The following VPS53 variants were observed in gnomAD, a reference collection of about 807,000 sequenced individuals.
The protein encoded by VPS53 is VPS53 subunit of GARP complex.
Under a neutral mutation model 107.0 loss-of-function variants are expected in VPS53, and 70 were observed. That is an observed-to-expected ratio of 0.65 (90% confidence interval 0.54 to 0.80). VPS53 has a LOEUF of 0.80. VPS53 is among the 30% of genes least tolerant of loss of function. The probability of loss-of-function intolerance (pLI) is 0.00; values close to 1 mark genes in which losing one functional copy is unlikely to be tolerated. For synonymous variants in VPS53, 409 were observed against 393.3 expected, an observed-to-expected ratio of 1.04 and a Z score of -0.47; for missense variants, 917 against 1,049.4, an observed-to-expected ratio of 0.87 and a Z score of 1.74.
intron 12 of VPS53, among the ~76,000 whole-genome samples, chr17:595,072 G>C (rs1477763429): frequency 1.2e-5 from 1 of 85,030 alleles, no homozygotes; most frequent in Non-Finnish European, 2.5e-5. Context: ...AAGGGGTCTG[G>C]ATCAATTTCC....
At chr17:682,611 G>A (rs1190939774) in intron 4 of VPS53, among the ~76,000 whole-genome samples, 1 of 152,210 alleles carries the variant, frequency 6.6e-6, no homozygotes, top group East Asian at 1.9e-4. Context: ...GTAAGCACAG[G>A]TGGGTTTGCA....
In VPS53 at chr17:591,153, G is replaced by T. The variant is rs1261747975; in HGVS notation, c.1219-4789C>A. Among the ~76,000 whole-genome samples, 3 of 143,256 alleles carry T rather than the reference G, an allele frequency of 2.1e-5. No individual in the cohort carries two copies. In the South Asian group the frequency reaches 6.7e-4, roughly 32 times the overall value. The allele number at this position is 143,256 out of a possible 152,430, so 94.0% of individuals were successfully genotyped here. On this transcript the variant is annotated intron_variant, in intron 12 of 21. Transcript: ENST00000437048. ...TTTATCCATTTCTTCTAGATTTTCTGGTTTATTTGCATAGAGGTGTTTGTA... is the reference window on the plus strand; with the variant it reads ...TTTATCCATTTCTTCTAGATTTTCTTGTTTATTTGCATAGAGGTGTTTGTA...
At chr17:569,087 G>C (rs1597316016) in intron 13 of VPS53, among the ~76,000 whole-genome samples, 1 of 152,232 alleles carries the variant, frequency 6.6e-6, no homozygotes, top group East Asian at 1.9e-4. Flanking sequence ...TCCAGGGCTG[G>C]GATACAAAAG....
intron 17 of VPS53, among the ~76,000 whole-genome samples, chr17:548,547 ACTCCAC>A (rs1302687162): frequency 9.2e-6 from 1 of 109,026 alleles, no homozygotes; most frequent in African/African-American, 3.9e-5. Context: ...CAACGACTAC[ACTCCAC>A]TTTGGCCAGC....
intron 11 of VPS53, among the ~76,000 whole-genome samples, chr17:606,185 G>A (rs1968570726): frequency 1.3e-5 from 2 of 152,132 alleles, no homozygotes; most frequent in African/African-American, 2.4e-5. Flanking sequence ...GAGTGAGAAC[G>A]AGGGTGAGGG....
intron 9 of VPS53, among the ~76,000 whole-genome samples, chr17:627,736 C>T (rs1969774696): frequency 6.6e-6 from 1 of 151,622 alleles, no homozygotes; most frequent in African/African-American, 2.4e-5. Flanking sequence ...GATCGCACCA[C>T]TGCGTTCCAG....
intron 15 of VPS53, among the ~76,000 whole-genome samples, chr17:559,833 A>T (rs1271097730): frequency 1.3e-5 from 2 of 152,234 alleles, no homozygotes. Flanking sequence ...GCTGAATCAA[A>T]GGTTATTCTG....
chr17:566,729 GTTTTT>G (rs199818178), intron 13 of VPS53, among the ~76,000 whole-genome samples: 2 of 149,878 alleles, frequency 1.3e-5, no homozygotes, highest in Admixed American at 1.3e-4. Flanking sequence ...TGTTTTTTTT[GTTTTT>G]TTTTGTTTTT....
intron 1 of VPS53, among the ~76,000 whole-genome samples, chr17:713,297 T>A (rs374529099): frequency 2.0e-5 from 3 of 152,210 alleles, no homozygotes; most frequent in Non-Finnish European, 4.4e-5. Context: ...TATAACTTCA[T>A]GACAATTCCT....
intron 4 of VPS53, among the ~76,000 whole-genome samples, chr17:682,742 C>T (rs1030316708): frequency 2.0e-5 from 3 of 150,672 alleles, no homozygotes; most frequent in Admixed American, 2.0e-4. Flanking sequence ...GACATATATA[C>T]GCCAAAAAAG....
Position 562,723 on chromosome 17 carries a change from G to T in VPS53, c.1336C>A (p.Arg446=). ...TGGGCTTTGAAATCAGCCACAAACC[G>T]ATCTATCAGCTCTCCGAGGTTCCTA... is the stretch of plus-strand genomic sequence containing the variant. ...QDKNLGELID[R]FVADFKAQGP... is the part of the protein sequence containing the mutation. Residue 446 remains arginine (R), a synonymous_variant, in exon 14 of 22, where the codon CGG becomes AGG. Transcript: ENST00000437048. The T allele has an allele frequency of 6.2e-7, 1 of 1,611,512 alleles. No individual in the cohort carries two copies. Among genetic ancestry groups the T allele is most frequent in the East Asian group, 2.2e-5 (1 of 44,798 alleles).
At chr17:642,508 G>A (rs529660403) in intron 7 of VPS53, among the ~76,000 whole-genome samples, 11 of 150,846 alleles carry the variant, frequency 7.3e-5, no homozygotes, top group Non-Finnish European at 1.0e-4. Flanking sequence ...CTTGGAAAGC[G>A]AGGACAACAC....
In VPS53 at chr17:630,900, C is replaced by T. The variant is rs184174926; in HGVS notation, c.687+650G>A. 3.5e-3 allele frequency among the ~76,000 whole-genome samples: 534 copies of T among 152,146 alleles called. 3 individuals carry two copies. Among genetic ancestry groups the T allele is most frequent in the African/African-American group, 0.011 (465 of 41,498 alleles). On this transcript the variant is annotated intron_variant, in intron 8 of 21. Transcript: ENST00000437048. ...AGTCTCGTATGGGTTCTTTCCTGTC[C>T]GACACATGCTAGGCGCTAAGATGGC...
intron 17 of VPS53, among the ~76,000 whole-genome samples, chr17:541,253 C>G (rs1433452082): frequency 6.6e-6 from 1 of 152,214 alleles, no homozygotes; most frequent in Non-Finnish European, 1.5e-5. Context: ...TTTATAGGTA[C>G]CTTCGGCAAG....
intron 5 of VPS53, chr17:656,948 G>C (rs959997973): frequency 9.1e-7 from 1 of 1,102,478 alleles, no homozygotes; most frequent in Non-Finnish European, 1.4e-6. Flanking sequence ...GTTGCCACTG[G>C]TGTCTTTCAC....
At chr17:629,543 G>C (rs897897174) in intron 8 of VPS53, among the ~76,000 whole-genome samples, 2 of 151,700 alleles carry the variant, frequency 1.3e-5, no homozygotes, top group Non-Finnish European at 2.9e-5. Flanking sequence ...AGATCATGAG[G>C]TCAGGAGATC....
intron 11 of VPS53, among the ~76,000 whole-genome samples, chr17:610,141 A>T (rs1174258923): frequency 7.9e-5 from 8 of 101,078 alleles, no homozygotes; most frequent in Middle Eastern, 4.5e-3. Context: ...ACACACACAC[A>T]CACACACACA....
chr17:531,773 C>CTTTT lies in VPS53; in HGVS notation c.2085+1065_2085+1068dup, dbSNP rs71145747. 7.6e-3 allele frequency among the ~76,000 whole-genome samples: 657 copies of CTTTT among 86,664 alleles called. 33 individuals carry two copies. Among genetic ancestry groups the CTTTT allele is most frequent in the African/African-American group, 0.011 (209 of 19,874 alleles). 56.9% of individuals were successfully genotyped at this position (86,664 alleles called of 152,430 possible). ...CAGCCTCCCATCACTGGGATTTATT[C>CTTTT]TTTTTTTTTTTTTTTTTTTTTGAGA... is the stretch of plus-strand genomic sequence containing the variant. On this transcript the variant is annotated intron_variant, in intron 19 of 21. Coordinates refer to ENST00000437048, the MANE Select transcript of VPS53 (RefSeq NM_001128159.3).
intron 6 of VPS53, among the ~76,000 whole-genome samples, chr17:654,435 A>C (rs1022891847): frequency 3.3e-5 from 5 of 151,862 alleles, no homozygotes; most frequent in African/African-American, 4.8e-5. Context: ...TTTCCATAAG[A>C]AGCATTGAAA....
Sources: gnomAD v4.1 joint callset for allele counts (sites outside exome capture counted in the v4.1 genomes callset) on GRCh38, gnomAD v4.1.1 for gene constraint, MANE v1.5 for transcripts, NCBI Gene and HGNC (gene_info 2026-07-23, HGNC 2026-07-21) for gene names.